The following FRMPD2 variants were observed in gnomAD, a reference collection of about 807,000 sequenced individuals.
The protein encoded by FRMPD2 is FERM and PDZ domain containing 2, also known as FERM and PDZ domain-containing protein 2.
In FRMPD2, 96 loss-of-function variants were observed where a neutral mutation model predicts 140.1. The observed-to-expected ratio is 0.69, with a 90% CI of 0.58 to 0.81. FRMPD2 has a LOEUF of 0.81. Among genes scored for constraint, FRMPD2 ranks in the 40% least tolerant of loss-of-function variants. The pLI is 0.00. For missense variants in FRMPD2, 1,240 were observed against 1,447.4 expected (o/e 0.86, Z 2.32); for synonymous variants, 449 against 547.6 (o/e 0.82, Z 2.52).
At chr10:48,259,979 A>ATG (rs1449537886) in intron 1 of FRMPD2, among the ~76,000 whole-genome samples, 1 of 152,174 alleles carries the variant, frequency 6.6e-6, no homozygotes, top group Admixed American at 6.5e-5. Context: ...AACCAATAAG[A>ATG]TGTATAGATA....
rs537531329 is a variant in FRMPD2, at chr10:48,205,755, T to A, written c.1797+993A>T. ...ACTCAATTAAATTGTGCTCAATTATTATTTATTTTTAGATGTAAGCTTTTT... is the reference window on the plus strand; with the variant it reads ...ACTCAATTAAATTGTGCTCAATTATAATTTATTTTTAGATGTAAGCTTTTT... On this transcript the variant is annotated intron_variant, in intron 14 of 28. Transcript: ENST00000374201. Among the ~76,000 whole-genome samples the A allele has an allele frequency of 3.3e-3, 500 of 152,334 alleles. 1 individual carries two copies. Among genetic ancestry groups the A allele is most frequent in the Non-Finnish European group, 5.3e-3 (361 of 68,022 alleles).
intron 13 of FRMPD2, among the ~76,000 whole-genome samples, chr10:48,210,953 C>A (rs533018053): frequency 6.6e-6 from 1 of 152,366 alleles, no homozygotes; most frequent in Admixed American, 6.5e-5. Flanking sequence ...GTATCCCATC[C>A]TGGGGAAGCT....
chr10:48,177,283 T>A (rs1361644937), intron 22 of FRMPD2: 1 of 151,600 alleles, frequency 6.6e-6, no homozygotes, highest in Non-Finnish European at 1.5e-5. Context: ...AATTTTTTTT[T>A]TTATTTTTTA....
In FRMPD2 at chr10:48,170,983, AC is replaced by A; in HGVS notation, c.3438+10del. 1 of 727,900 alleles carries A rather than the reference AC, an allele frequency of 1.4e-6. No individual in the cohort carries two copies. The highest frequency in any genetic ancestry group is 2.5e-6 in the Non-Finnish European group (1 of 392,626). 45.1% of individuals were successfully genotyped at this position (727,900 alleles called of 1,614,324 possible). A position where few individuals can be genotyped will look rare whatever the true frequency, so the allele number is the denominator to read the frequency against. The stretch of plus-strand genomic sequence containing the variant: ...TGCACAGAGAGCTGCATTGCCCATG[AC>A]CCCCGGCACCTGGAAGATGAGGCCT... On this transcript the variant is annotated intron_variant, in intron 26 of 28. Coordinates refer to ENST00000374201, the MANE Select transcript of FRMPD2 (RefSeq NM_001018071.4).
At chr10:48,238,729 GAT>G (rs1840027055) in intron 7 of FRMPD2, among the ~76,000 whole-genome samples, 1 of 152,326 alleles carries the variant, frequency 6.6e-6, no homozygotes, top group East Asian at 1.9e-4. Context: ...GGTCCAGGAA[GAT>G]ATGAGCCCAT....
chr10:48,244,729 C>G, intron 4 of FRMPD2, 55 bp downstream of exon 4: 1 of 1,384,430 alleles, frequency 7.2e-7, no homozygotes, highest in South Asian at 1.2e-5. Flanking sequence ...GAGAAAACCA[C>G]TAAATAAACC....
intron 16 of FRMPD2, among the ~76,000 whole-genome samples, chr10:48,188,619 G>T (rs1364093588): frequency 2.6e-5 from 4 of 152,196 alleles, no homozygotes; most frequent in African/African-American, 9.6e-5. Context: ...GCCAACCAAG[G>T]TGCCCAGGGA....
intron 7 of FRMPD2, among the ~76,000 whole-genome samples, chr10:48,239,287 G>A (rs1020551404): frequency 2.0e-5 from 3 of 152,204 alleles, no homozygotes. Context: ...GTGTTTTGTG[G>A]TTGCTTGTTA....
chr10:48,239,179 C>A (rs1362971383), intron 7 of FRMPD2, among the ~76,000 whole-genome samples: 1 of 152,242 alleles, frequency 6.6e-6, no homozygotes, highest in Non-Finnish European at 1.5e-5. Context: ...GGCAGGAAGG[C>A]TTTCAGCAGA....
chr10:48,238,161 T>C (rs905184), intron 7 of FRMPD2, 38 bp from the exon 8 acceptor site: 199,722 of 1,592,940 alleles, frequency 0.13, 12,985 homozygotes, highest in African/African-American at 0.17. Flanking sequence ...CACTTAGCAA[T>C]GGCAAGGGCT....
intron 15 of FRMPD2, among the ~76,000 whole-genome samples, chr10:48,198,050 T>C (rs1404097786): frequency 1.3e-5 from 2 of 152,202 alleles, no homozygotes; most frequent in Non-Finnish European, 2.9e-5. Flanking sequence ...GTAATAACAA[T>C]AGTAAATAGC....
At chr10:48,159,863 G>T (rs1440969254) in intron 28 of FRMPD2, among the ~76,000 whole-genome samples, 1 of 151,648 alleles carries the variant, frequency 6.6e-6, no homozygotes, top group Non-Finnish European at 1.5e-5. Flanking sequence ...AAGCCTTGAA[G>T]TGCACATGAG....
intron 1 of FRMPD2, among the ~76,000 whole-genome samples, chr10:48,265,370 T>A (rs1840661306): frequency 6.6e-6 from 1 of 152,042 alleles, no homozygotes; most frequent in African/African-American, 2.4e-5. Context: ...AAAAATGGAA[T>A]CTAATTAAAC....
At chr10:48,197,645 A>G (rs1184561603) in intron 15 of FRMPD2, among the ~76,000 whole-genome samples, 1 of 152,134 alleles carries the variant, frequency 6.6e-6, no homozygotes. Flanking sequence ...CAGCTCCAGG[A>G]ACCACGCTCT....
At chr10:48,234,029 G>A (rs1319656479) in intron 9 of FRMPD2, among the ~76,000 whole-genome samples, 1 of 152,206 alleles carries the variant, frequency 6.6e-6, no homozygotes, top group African/African-American at 2.4e-5. Context: ...CCCAAGCCAG[G>A]TACCAAACGC....
intron 13 of FRMPD2, among the ~76,000 whole-genome samples, chr10:48,208,782 A>T (rs1413876544): frequency 6.6e-6 from 1 of 152,164 alleles, no homozygotes; most frequent in African/African-American, 2.4e-5. Context: ...TTTCCTCTCC[A>T]TGTGCTTTGG....
At chr10:48,185,851 G>T (rs992423050) in intron 17 of FRMPD2, among the ~76,000 whole-genome samples, 1 of 152,238 alleles carries the variant, frequency 6.6e-6, no homozygotes, top group Non-Finnish European at 1.5e-5. Flanking sequence ...CCTCTCTGGA[G>T]TGTCACTCAG....
intron 12 of FRMPD2, among the ~76,000 whole-genome samples, chr10:48,214,561 C>G (rs1324079732): frequency 6.6e-6 from 1 of 152,090 alleles, no homozygotes; most frequent in East Asian, 1.9e-4. Context: ...CCTGTATTTT[C>G]AATTCAAATT....
intron 15 of FRMPD2, among the ~76,000 whole-genome samples, chr10:48,198,982 C>A (rs558944710): frequency 1.3e-5 from 2 of 152,100 alleles, no homozygotes; most frequent in Admixed American, 6.6e-5. Context: ...AGCAAATTAA[C>A]GCAGGAACAG....
Sources: allele counts gnomAD v4.1 joint callset (sites outside exome capture counted in the v4.1 genomes callset), GRCh38; gene constraint gnomAD v4.1.1; transcripts MANE v1.5; gene names NCBI Gene and HGNC (gene_info 2026-07-23, HGNC 2026-07-21).